Variants in CLN6 observed in about 807,000 individuals in gnomAD.
CLN6 encodes CLN6 transmembrane ER protein, also known as ceroid-lipofuscinosis neuronal protein 6.
In CLN6, 22 loss-of-function variants were observed where a neutral mutation model predicts 33.3. The ratio of observed to expected loss-of-function variants is 0.66; its 90% CI spans 0.47 to 0.94. The LOEUF is 0.94. Ranked by LOEUF, CLN6 falls within the 40% of genes least tolerant of loss-of-function variation. The pLI, the probability that CLN6 is intolerant of heterozygous loss-of-function variation, is 0.00. For missense variants in CLN6, 387 were observed against 417.1 expected (o/e 0.93, Z 0.63); for synonymous variants, 201 against 174.6 (o/e 1.15, Z -1.19).
Position 68,211,876 on chromosome 15 carries a change from G to C in CLN6, c.298-13C>G. 15 of 1,612,808 alleles carry C rather than the reference G, an allele frequency of 9.3e-6. No homozygotes were observed. The highest frequency in any genetic ancestry group is 1.2e-5 in the Non-Finnish European group (14 of 1,179,802). Reference sequence around the variant, plus strand: ...ACCGCTCGATGAGCTGGGGTTCAGAGTGGGGTTGGCAGCATGACCCCACCT... The same window carrying C: ...ACCGCTCGATGAGCTGGGGTTCAGACTGGGGTTGGCAGCATGACCCCACCT... On this transcript the variant is annotated splice_polypyrimidine_tract_variant and intron_variant, in intron 3 of 6. Transcript: ENST00000249806. This position sits in a 1 kb window ranked among gnomAD's most constrained non-coding sequence, Gnocchi z 5.9.
At position 68,256,769 on chromosome 15, in the gene CLN6, T is replaced by A. The variant is rs1892441823; in HGVS notation, c.100A>T (p.Ser34Cys). Residue 34 changes from serine (S) to cysteine (C), a missense_variant, in exon 1 of 7, where the codon AGC (serine) becomes TGC (cysteine). Coordinates refer to the CLN6 transcript ENST00000538696. This position sits in a 1 kb window ranked among gnomAD's most constrained non-coding sequence, Gnocchi z 4.1. ...TGCGCCAGTGGCTTGAAGGCTCGGC[T>A]CAAGCCCGCCTCGCCTCCCTCCCTC... 1.4e-6 allele frequency: 1 copy of A among 702,154 alleles called. No individual in the cohort carries two copies. The highest frequency in any genetic ancestry group is 1.7e-5 in the African/African-American group (1 of 57,280). 43.5% of individuals were successfully genotyped at this position (702,154 alleles called of 1,614,324 possible). A position where few individuals can be genotyped will look rare whatever the true frequency, so the allele number is the denominator to read the frequency against.
Position 68,220,137 on chromosome 15 carries a change from A to G in CLN6, c.84-1487T>C, listed in dbSNP as rs1481550952. Among the ~76,000 whole-genome samples, 1 of 152,126 alleles carries G rather than the reference A, an allele frequency of 6.6e-6. No individual in the cohort carries two copies. Among genetic ancestry groups the G allele is most frequent in the East Asian group, 1.9e-4 (1 of 5,198 alleles). Reference sequence around the variant, plus strand: ...ACAGGGAGGCAAGCTCTTGGGAGAAATCTCATTTTCTAGTGGCAGGCAAGA... The same window carrying G: ...ACAGGGAGGCAAGCTCTTGGGAGAAGTCTCATTTTCTAGTGGCAGGCAAGA... On this transcript the variant is annotated intron_variant, in intron 1 of 6. Coordinates refer to ENST00000249806, the MANE Select transcript of CLN6 (RefSeq NM_017882.3). This position sits in a 1 kb window ranked among gnomAD's most constrained non-coding sequence, Gnocchi z 4.2.
chr15:68,255,449 T>C (rs761614806), intron 1 of CLN6, among the ~76,000 whole-genome samples: 4 of 152,212 alleles, frequency 2.6e-5, no homozygotes, highest in Admixed American at 6.5e-5. Flanking sequence ...TCATTTCACT[T>C]CCTGAAAGTC....
chr15:68,239,222 A>G (rs1567104099), intron 1 of CLN6, among the ~76,000 whole-genome samples: 2 of 152,154 alleles, frequency 1.3e-5, no homozygotes, highest in Non-Finnish European at 2.9e-5. Context: ...AAAGCCAAAA[A>G]AGGGTATGGT....
chr15:68,234,239 G>A (rs1892195925), upstream of CLN6, among the ~76,000 whole-genome samples: 1 of 152,126 alleles, frequency 6.6e-6, no homozygotes, highest in African/African-American at 2.4e-5. This position sits in a 1 kb window ranked among gnomAD's most constrained non-coding sequence, Gnocchi z 4.1. Flanking sequence ...TACAGCAGCC[G>A]ACGGCCTCAG....
In CLN6 at chr15:68,208,094, G is replaced by GCCCCCCCCCCCCCC; in HGVS notation, c.*45_*46insGGGGGGGGGGGGGG. The GCCCCCCCCCCCCCC allele has an allele frequency of 7.3e-6, 10 of 1,375,276 alleles. No individual in the cohort carries two copies. Among genetic ancestry groups the GCCCCCCCCCCCCCC allele is most frequent in the East Asian group, 5.0e-5 (2 of 39,906 alleles). 85.2% of individuals were successfully genotyped at this position (1,375,276 alleles called of 1,614,324 possible). On this transcript the variant is annotated 3_prime_UTR_variant, in exon 7 of 7. Coordinates refer to ENST00000249806, the MANE Select transcript of CLN6 (RefSeq NM_017882.3). This position sits in a 1 kb window ranked among gnomAD's most constrained non-coding sequence, Gnocchi z 5.8. ...CTCCTGTATTCAGATGCCCTCCATG[G>GCCCCCCCCCCCCCC]CCCACCCTCCCACCCAGCAGAGCGC...
At chr15:68,214,411 G>C in intron 2 of CLN6, 23 bp from the exon 3 acceptor site, 3 of 1,577,182 alleles carry the variant, frequency 1.9e-6, no homozygotes, top group South Asian at 1.1e-5. Context: ...TGGAAGAATG[G>C]GCTCACCTGG....
rs989800127 is a variant in CLN6, at chr15:68,254,444, T to C, written c.179+2246A>G. ...CTTGAAATAAGATGTGCTGTAAGTA[T>C]GAAATACACACTGGAGTTTGAAGAC... On this transcript the variant is annotated intron_variant, in intron 1 of 6. Coordinates refer to the CLN6 transcript ENST00000538696. 1.1e-5 allele frequency: 3 copies of C among 282,736 alleles called. No homozygotes were observed. The South Asian group carries it at 1.1e-4, about 11-fold the overall frequency. The allele number at this position is 282,736 out of a possible 1,614,324, so 17.5% of individuals were successfully genotyped here. A position where few individuals can be genotyped will look rare whatever the true frequency, so the allele number is the denominator to read the frequency against.
chr15:68,209,838 G>A lies in CLN6; in HGVS notation c.543-79C>T. The A allele has an allele frequency of 6.4e-7, 1 of 1,570,124 alleles. No homozygotes were observed. Among genetic ancestry groups the A allele is most frequent in the East Asian group, 2.3e-5 (1 of 44,286 alleles). ...CAACCTCTGCAACCACTCCCATGGG[G>A]TCTCATGGAGTGCCACGTCACAGTT... On this transcript the variant is annotated intron_variant, in intron 5 of 6. Coordinates refer to ENST00000249806, the MANE Select transcript of CLN6 (RefSeq NM_017882.3). This position sits in a 1 kb window ranked among gnomAD's most constrained non-coding sequence, Gnocchi z 4.9.
At position 68,256,307 on chromosome 15, in the gene CLN6, C is replaced by T. The variant is rs1343875717; in HGVS notation, c.179+383G>A. 6.6e-6 allele frequency among the ~76,000 whole-genome samples: 1 copy of T among 151,844 alleles called. No individual in the cohort carries two copies. The highest frequency in any genetic ancestry group is 1.5e-5 in the Non-Finnish European group (1 of 67,936). ...TATTTTTAGTAGAGGCGGGGTTTCA[C>T]TATGTTGGCCAGGCTGGTTGAGAAC... On this transcript the variant is annotated intron_variant, in intron 1 of 6. Transcript: ENST00000538696. The surrounding 1 kb of genome is among the most constrained non-coding windows in gnomAD (Gnocchi z 4.1).
rs1396844209 is a variant in CLN6 at position 68,208,999 on chromosome 15, C to A, written c.666-589G>T. 6.6e-6 allele frequency among the ~76,000 whole-genome samples: 1 copy of A among 152,216 alleles called. No individual in the cohort carries two copies. Among genetic ancestry groups the A allele is most frequent in the Non-Finnish European group, 1.5e-5 (1 of 68,030 alleles). On this transcript the variant is annotated intron_variant, in intron 6 of 6. Coordinates refer to ENST00000249806, the MANE Select transcript of CLN6 (RefSeq NM_017882.3). The surrounding 1 kb of genome is among the most constrained non-coding windows in gnomAD (Gnocchi z 5.8). ...AGAGAAGGGTCCAGTCCTGCCCCGA[C>A]CCTGTCCTTCCCATGATACCCACAA...
intron 1 of CLN6, among the ~76,000 whole-genome samples, chr15:68,248,193 C>T (rs11629609): frequency 0.48 from 72,264 of 151,976 alleles, 17,980 homozygotes; most frequent in Non-Finnish European, 0.56. Flanking sequence ...CATTTGCAGC[C>T]AATTCATTTT....
rs2093255567 is a variant in CLN6 at position 68,227,463 on chromosome 15, AC to A, written c.83+2038del. Among the ~76,000 whole-genome samples the A allele has an allele frequency of 1.3e-5, 2 of 152,226 alleles. No individual in the cohort carries two copies. The highest frequency in any genetic ancestry group is 2.9e-5 in the Non-Finnish European group (2 of 68,038). On this transcript the variant is annotated intron_variant, in intron 1 of 6. Coordinates refer to ENST00000249806, the MANE Select transcript of CLN6 (RefSeq NM_017882.3). The surrounding 1 kb of genome is among the most constrained non-coding windows in gnomAD (Gnocchi z 4.1). ...CAGAGGAAATCCAAGCATCCTAGGA[AC>A]TGGACAGGATGATTCTGCCTACTCT... is the stretch of plus-strand genomic sequence containing the variant.
At chr15:68,216,324 G>A (rs2093220606) in intron 2 of CLN6, among the ~76,000 whole-genome samples, 1 of 152,190 alleles carries the variant, frequency 6.6e-6, no homozygotes, top group African/African-American at 2.4e-5. Context: ...TCTTCTTGGA[G>A]AGAGAAATGA....
In CLN6 at chr15:68,211,120, G is replaced by C; in HGVS notation, c.542+143C>G. The C allele has an allele frequency of 1.3e-6, 1 of 786,390 alleles. No homozygotes were observed. The highest frequency in any genetic ancestry group is 2.3e-6 in the Non-Finnish European group (1 of 440,408). The allele number at this position is 786,390 out of a possible 1,614,324, so 48.7% of individuals were successfully genotyped here. A position where few individuals can be genotyped will look rare whatever the true frequency, so the allele number is the denominator to read the frequency against. On this transcript the variant is annotated intron_variant, in intron 5 of 6. Transcript: ENST00000249806. This position sits in a 1 kb window ranked among gnomAD's most constrained non-coding sequence, Gnocchi z 5.9. ...CGGGGACAACTTCACTGGAGGTTGA[G>C]CTCACAGTGCCTTTACAGGGGATGA...
chr15:68,209,074 G>T lies in CLN6; in HGVS notation c.665+563C>A, dbSNP rs2093196842. Among the ~76,000 whole-genome samples, 1 of 152,226 alleles carries T rather than the reference G, an allele frequency of 6.6e-6. No homozygotes were observed. Among genetic ancestry groups the T allele is most frequent in the Admixed American group, 6.5e-5 (1 of 15,278 alleles). On this transcript the variant is annotated intron_variant, in intron 6 of 6. Transcript: ENST00000249806. The surrounding 1 kb of genome is among the most constrained non-coding windows in gnomAD (Gnocchi z 4.9). ...CAGAAGTGACAGACGAGGGCTAGGAGACTGGCTGAGGCCTAAGTCCTCTGC... is the reference window on the plus strand; with the variant it reads ...CAGAAGTGACAGACGAGGGCTAGGATACTGGCTGAGGCCTAAGTCCTCTGC...
In CLN6 at chr15:68,241,201, C is replaced by T. The variant is rs1892277701; in HGVS notation, c.179+15489G>A. ...TGCATCAAGAAAGCCTGGAGACTTCCAGTCCAAAACTGGTGGTGTAGAAGC... is the reference window on the plus strand; with the variant it reads ...TGCATCAAGAAAGCCTGGAGACTTCTAGTCCAAAACTGGTGGTGTAGAAGC... On this transcript the variant is annotated intron_variant, in intron 1 of 6. Transcript: ENST00000538696. This position sits in a 1 kb window ranked among gnomAD's most constrained non-coding sequence, Gnocchi z 4.2. 6.6e-6 allele frequency among the ~76,000 whole-genome samples: 1 copy of T among 152,108 alleles called. No homozygotes were observed. Among genetic ancestry groups the T allele is most frequent in the Non-Finnish European group, 1.5e-5 (1 of 68,022 alleles).
At chr15:68,235,479 AG>A (rs1892210235) in intron 1 of CLN6, among the ~76,000 whole-genome samples, 1 of 151,912 alleles carries the variant, frequency 6.6e-6, no homozygotes, top group African/African-American at 2.4e-5. Context: ...CCACAGCAGG[AG>A]AATCACTTGA....
chr15:68,216,079 T>C (rs2093219840), intron 2 of CLN6, among the ~76,000 whole-genome samples: 1 of 152,216 alleles, frequency 6.6e-6, no homozygotes, highest in Non-Finnish European at 1.5e-5. Flanking sequence ...TTCCACCAAG[T>C]CCTACTTAGG....
Sources: gnomAD v4.1 joint callset for allele counts (sites outside exome capture counted in the v4.1 genomes callset) on GRCh38, gnomAD v4.1.1 for gene constraint, Gnocchi (gnomAD v3.1) non-coding constraint, MANE v1.5 for transcripts, NCBI Gene and HGNC (gene_info 2026-07-23, HGNC 2026-07-21) for gene names.